Variants in ATG16L2 observed in about 807,000 individuals in gnomAD.
ATG16L2 encodes protein Atg16l2.
ATG16L2 carries 77 observed loss-of-function variants against 84.7 expected under a neutral mutation model. The ratio of observed to expected loss-of-function variants is 0.91; its 90% confidence interval spans 0.76 to 1.10. The LOEUF is 1.10. ATG16L2 is among the 50% of genes least tolerant of loss of function. The probability of loss-of-function intolerance (pLI) is 0.00; values close to 1 mark genes in which losing one functional copy is unlikely to be tolerated. For synonymous variants in ATG16L2, 361 were observed against 342.8 expected, an observed-to-expected ratio of 1.05 and a Z score of -0.59; for missense variants, 782 against 817.6, an observed-to-expected ratio of 0.96 and a Z score of 0.53.
intron 14 of ATG16L2, 57 bp downstream of exon 14, chr11:72,827,350 T>A (rs1860423829): frequency 7.1e-7 from 1 of 1,412,470 alleles, no homozygotes; most frequent in African/African-American, 1.4e-5. Flanking sequence ...GGCTCCCAAG[T>A]TCTTGTTCCT....
Position 72,822,136 on chromosome 11 carries a change from T to C in ATG16L2, c.485T>C (p.Val162Ala), listed in dbSNP as rs1591302061. The C allele has an allele frequency of 6.7e-7, 1 of 1,502,798 alleles. No homozygotes were observed. The highest frequency in any genetic ancestry group is 1.3e-5 in the South Asian group (1 of 79,568). The allele number at this position is 1,502,798 out of a possible 1,614,324, so 93.1% of individuals were successfully genotyped here. The stretch of plus-strand genomic sequence containing the variant: ...GAGGAGTGGCGGGCGCAGAATGCGG[T>C]GCAGCGGGCAGCCTACGAGGCGCTG... ...QVEEWRAQNAVQRAAYEALRA... is the reference protein window; with the variant it reads ...QVEEWRAQNAAQRAAYEALRA... Residue 162 changes from valine (V) to alanine (A), a missense_variant, in exon 5 of 18, where the codon GTG becomes GCG. Transcript: ENST00000321297. The surrounding 1 kb of genome is among the most constrained non-coding windows in gnomAD (Gnocchi z 4.2).
At chr11:72,823,697 G>C (rs1347623386) in intron 7 of ATG16L2, 3 of 470,152 alleles carry the variant, frequency 6.4e-6, no homozygotes, top group Admixed American at 2.3e-5. Context: ...AGGTCACCCA[G>C]TGAGCCTAGG....
Position 72,827,184 on chromosome 11 carries a change from C to T in ATG16L2, c.1367-4C>T. ...GGCCCTGGGGTCTGCTGCTTGGTCC[C>T]CAGGCTCCAGGACCATCAATGTCCT... is the stretch of plus-strand genomic sequence containing the variant. On this transcript the variant is annotated splice_polypyrimidine_tract_variant and splice_region_variant and intron_variant, in intron 13 of 17. Coordinates refer to ENST00000321297, the MANE Select transcript of ATG16L2 (RefSeq NM_033388.2). 6.2e-7 allele frequency: 1 copy of T among 1,612,080 alleles called. No homozygotes were observed. The highest frequency in any genetic ancestry group is 1.3e-5 in the African/African-American group (1 of 74,992).
At chr11:72,826,361 C>A in intron 11 of ATG16L2, 118 bp downstream of exon 11, 1 of 1,416,392 alleles carries the variant, frequency 7.1e-7, no homozygotes, top group Non-Finnish European at 9.7e-7. Flanking sequence ...GGCCCCTGGG[C>A]TCTTACACAG....
chr11:72,831,968 G>A (rs1179964858), downstream of ATG16L2, among the ~76,000 whole-genome samples: 1 of 152,238 alleles, frequency 6.6e-6, no homozygotes, highest in African/African-American at 2.4e-5. Flanking sequence ...CCCCCTGCCT[G>A]CTACCACGGG....
At chr11:72,842,812 C>T (rs1462954187) in exon 6 of ATG16L2, 1 of 1,613,922 alleles carries the variant, frequency 6.2e-7, no homozygotes, top group Non-Finnish European at 8.5e-7. Context: ...GTCTGGCCCT[C>T]ATAATCATAA....
rs751650269 is a variant in ATG16L2, at chr11:72,822,895, T to C, written c.758T>C (p.Leu253Pro). 21 of 1,578,712 alleles carry C rather than the reference T, an allele frequency of 1.3e-5. No homozygotes were observed. The highest frequency in any genetic ancestry group is 1.8e-5 in the Non-Finnish European group (21 of 1,161,780). The stretch of plus-strand genomic sequence containing the variant: ...GGGATGAGGGAGAGAAGGGAGACTC[T>C]GGCTCTGGCCCCTGAGCCAGAGCCC... ...GDGMRERRET[L>P]ALAPEPEPLE... Residue 253 changes from leucine (L) to proline (P), a missense_variant, in exon 7 of 18, where the codon CTG becomes CCG. By Grantham distance (98) the Leu-to-Pro change is moderately conservative. Coordinates refer to ENST00000321297, the MANE Select transcript of ATG16L2 (RefSeq NM_033388.2). This position sits in a 1 kb window ranked among gnomAD's most constrained non-coding sequence, Gnocchi z 4.2.
intron 1 of ATG16L2, chr11:72,816,174 G>T (rs953639463): frequency 6.6e-6 from 1 of 152,504 alleles, no homozygotes; most frequent in Admixed American, 6.5e-5. Flanking sequence ...AGAGATGGGG[G>T]TTTCACCGTG....
intron 13 of ATG16L2, 152 bp from the exon 14 acceptor site, chr11:72,827,036 G>A: frequency 1.2e-6 from 1 of 830,900 alleles, no homozygotes; most frequent in Non-Finnish European, 1.9e-6. Context: ...GTAGGAAAAA[G>A]ACGTGGGTGA....
At chr11:72,834,787 G>A (rs1860684519) in intron 5 of ATG16L2, among the ~76,000 whole-genome samples, 1 of 152,194 alleles carries the variant, frequency 6.6e-6, no homozygotes, top group Non-Finnish European at 1.5e-5. Context: ...TTTCCATTAT[G>A]TTGGTCAGGC....
intron 5 of ATG16L2, chr11:72,841,497 A>C (rs369315223): frequency 1.9e-6 from 3 of 1,611,168 alleles, no homozygotes; most frequent in Middle Eastern, 3.3e-4. Flanking sequence ...AGCTCCTCTT[A>C]TCTGGGCTGG....
chr11:72,828,549 G>A (rs777517782), intron 15 of ATG16L2, 41 bp downstream of exon 15: 1 of 1,612,714 alleles, frequency 6.2e-7, no homozygotes, highest in South Asian at 1.1e-5. Flanking sequence ...CCTTTGCTGG[G>A]ACAGCTGAGC....
At chr11:72,819,178 C>G (rs938992432) in intron 3 of ATG16L2, among the ~76,000 whole-genome samples, 3 of 152,154 alleles carry the variant, frequency 2.0e-5, no homozygotes, top group African/African-American at 7.2e-5. Flanking sequence ...GACTGCCCCC[C>G]AGTCGTTCTC....
At chr11:72,833,339 T>C (rs544054434), downstream of ATG16L2, among the ~76,000 whole-genome samples, 77 of 152,320 alleles carry the variant, frequency 5.1e-4, no homozygotes, top group African/African-American at 1.8e-3. Context: ...TCACAAACAT[T>C]TTCAGCTTAT....
At chr11:72,814,822 T>C (rs1349264529) in intron 1 of ATG16L2, among the ~76,000 whole-genome samples, 1 of 152,188 alleles carries the variant, frequency 6.6e-6, no homozygotes, top group Non-Finnish European at 1.5e-5. Flanking sequence ...AAGCTGGGCT[T>C]CCGAGACGCA....
At chr11:72,839,048 T>C (rs1347799112) in intron 5 of ATG16L2, among the ~76,000 whole-genome samples, 2 of 152,198 alleles carry the variant, frequency 1.3e-5, no homozygotes, top group Admixed American at 6.5e-5. Flanking sequence ...TGAGAAGCAG[T>C]TGTTCTCAAT....
chr11:72,832,271 C>T (rs1294250430), downstream of ATG16L2, among the ~76,000 whole-genome samples: 3 of 152,216 alleles, frequency 2.0e-5, no homozygotes, highest in African/African-American at 4.8e-5. Flanking sequence ...ACCTTCCCTT[C>T]TACTTTATGG....
exon 6 of ATG16L2, chr11:72,843,022 C>G (rs1361657392): frequency 1.0e-6 from 1 of 973,528 alleles, no homozygotes; most frequent in African/African-American, 1.6e-5. Context: ...CAAACGTGAC[C>G]ATATAAAGAA....
chr11:72,824,678 C>A, intron 8 of ATG16L2, 56 bp from the exon 9 acceptor site: 2 of 1,338,146 alleles, frequency 1.5e-6, no homozygotes, highest in Non-Finnish European at 2.2e-6. Flanking sequence ...GCTGGAGGCT[C>A]CCACCTGAGA....
Sources: allele counts gnomAD v4.1 joint callset (sites outside exome capture counted in the v4.1 genomes callset), GRCh38; gene constraint gnomAD v4.1.1; non-coding constraint Gnocchi (gnomAD v3.1); transcripts MANE v1.5; gene names NCBI Gene and HGNC (gene_info 2026-07-23, HGNC 2026-07-21).